SKAP2: variants seen among roughly 807,000 people sequenced by gnomAD.
SKAP2 encodes the protein src kinase associated phosphoprotein 2.
Under a neutral mutation model 54.9 loss-of-function variants are expected in SKAP2, and 28 were observed. The observed-to-expected ratio is 0.51, with a 90% confidence interval of 0.38 to 0.70. The LOEUF (loss-of-function observed/expected upper bound fraction) is 0.70, where lower values mean the gene tolerates loss of function less well. SKAP2 is among the 30% of genes least tolerant of loss of function. SKAP2 has a pLI of 0.00. For synonymous variants in SKAP2, 137 were observed against 134.3 expected, an observed-to-expected ratio of 1.02 and a Z score of -0.14; for missense variants, 356 against 424.1, an observed-to-expected ratio of 0.84 and a Z score of 1.41.
chr7:26,693,841 TAAAA>T, intron 9 of SKAP2, among the ~76,000 whole-genome samples: 1 of 152,212 alleles, frequency 6.6e-6, no homozygotes, highest in African/African-American at 2.4e-5. Context: ...AGCTTCCATA[TAAAA>T]GATAACAAAA....
At chr7:26,696,188 TTCTG>T (rs971558134) in intron 9 of SKAP2, among the ~76,000 whole-genome samples, 1 of 152,338 alleles carries the variant, frequency 6.6e-6, no homozygotes, top group Admixed American at 6.5e-5. Flanking sequence ...TAAAGGACTG[TTCTG>T]TCTATTCAAT....
intron 9 of SKAP2, among the ~76,000 whole-genome samples, chr7:26,719,439 G>A (rs908480955): frequency 3.9e-5 from 6 of 152,062 alleles, no homozygotes; most frequent in African/African-American, 1.4e-4. Flanking sequence ...AAAGCCACTC[G>A]TCAAATTCCA....
intron 4 of SKAP2, among the ~76,000 whole-genome samples, chr7:26,764,563 A>T (rs1783004159): frequency 6.6e-6 from 1 of 151,732 alleles, no homozygotes; most frequent in Non-Finnish European, 1.5e-5. Flanking sequence ...ACTTTTTTTC[A>T]TAATCTCTTC....
At chr7:26,861,232 G>A (rs1387525910) in intron 1 of SKAP2, among the ~76,000 whole-genome samples, 4 of 147,784 alleles carry the variant, frequency 2.7e-5, no homozygotes. Context: ...CCTGTCTAGA[G>A]AAAAAAAAAA....
chr7:26,725,574 C>T lies in SKAP2; in HGVS notation c.659-9G>A. 6.4e-7 allele frequency: 1 copy of T among 1,571,490 alleles called. No individual in the cohort carries two copies. The highest frequency in any genetic ancestry group is 1.2e-5 in the South Asian group (1 of 85,770). On this transcript the variant is annotated splice_polypyrimidine_tract_variant and intron_variant, in intron 8 of 12. Coordinates refer to ENST00000345317, the MANE Select transcript of SKAP2 (RefSeq NM_003930.5). ...AATATCAGATTCCATATCTATAAAA[C>T]ACATTTCATGAAGTAAATTTTAAAA...
chr7:26,737,935 A>C (rs1787977247), intron 6 of SKAP2, among the ~76,000 whole-genome samples: 1 of 152,208 alleles, frequency 6.6e-6, no homozygotes, highest in Admixed American at 6.5e-5. Context: ...GACTCTAACC[A>C]TATTCTCTAG....
rs1784062138 is a variant in SKAP2, at chr7:26,807,877, T to TC, written c.307+36152_307+36153insG. Among the ~76,000 whole-genome samples, 2 of 151,826 alleles carry TC rather than the reference T, an allele frequency of 1.3e-5. 1 individual carries two copies. The highest frequency in any genetic ancestry group is 4.2e-4 in the South Asian group (2 of 4,810). On this transcript the variant is annotated intron_variant, in intron 4 of 12. Coordinates refer to ENST00000345317, the MANE Select transcript of SKAP2 (RefSeq NM_003930.5). The stretch of plus-strand genomic sequence containing the variant: ...GAAGGGTAAGATGATTGTTAGCACT[T>TC]TTTTTAGCAATAAAGTATTTTTAAA...
In SKAP2 at chr7:26,786,622, A is replaced by G. The variant is rs572721999; in HGVS notation, c.308-46658T>C. ...AGGCAGTGGCGAGCCTGGCACTTTC[A>G]ACGGGTGCCTGTGTGCATGTGCTCC... On this transcript the variant is annotated intron_variant, in intron 4 of 12. Coordinates refer to ENST00000345317, the MANE Select transcript of SKAP2 (RefSeq NM_003930.5). Among the ~76,000 whole-genome samples, 264 of 152,314 alleles carry G rather than the reference A, an allele frequency of 1.7e-3. 1 individual carries two copies. Among genetic ancestry groups the G allele is most frequent in the South Asian group, 6.8e-3 (33 of 4,818 alleles).
intron 9 of SKAP2, among the ~76,000 whole-genome samples, chr7:26,694,836 AT>A (rs1786862600): frequency 6.6e-6 from 1 of 152,194 alleles, no homozygotes; most frequent in African/African-American, 2.4e-5. Context: ...TTTTTAATCT[AT>A]TTAATTTACA....
At chr7:26,789,663 A>T (rs915092677) in intron 4 of SKAP2, among the ~76,000 whole-genome samples, 2 of 152,198 alleles carry the variant, frequency 1.3e-5, no homozygotes, top group Non-Finnish European at 2.9e-5. Context: ...CCAAATATCA[A>T]GCCTTAACCA....
At chr7:26,672,259 C>T (rs1402383389) in intron 11 of SKAP2, among the ~76,000 whole-genome samples, 1 of 151,986 alleles carries the variant, frequency 6.6e-6, no homozygotes. Flanking sequence ...CAACTAAAGG[C>T]ATGTTATCAT....
chr7:26,658,837 C>CA, the SKAP2 span, among the ~76,000 whole-genome samples: 127 of 147,716 alleles, frequency 8.6e-4, no homozygotes, highest in African/African-American at 2.9e-3. Flanking sequence ...CCCACCCCCC[C>CA]ACCAACTCCA....
At chr7:26,734,641 G>A (rs139514685) in intron 6 of SKAP2, among the ~76,000 whole-genome samples, 34 of 152,260 alleles carry the variant, frequency 2.2e-4, no homozygotes, top group African/African-American at 7.7e-4. Flanking sequence ...GCACCAGCAG[G>A]GTCAGTGCCT....
At chr7:26,676,735 G>A (rs1786357606) in intron 11 of SKAP2, among the ~76,000 whole-genome samples, 1 of 152,124 alleles carries the variant, frequency 6.6e-6, no homozygotes, top group Admixed American at 6.5e-5. Flanking sequence ...TCAAAGTTTA[G>A]ACAGAAAGCC....
chr7:26,861,573 T>G (rs530776779), intron 1 of SKAP2, among the ~76,000 whole-genome samples: 2 of 150,788 alleles, frequency 1.3e-5, no homozygotes, highest in Non-Finnish European at 3.0e-5. Context: ...ACTTTTTCAA[T>G]GGTATCTTTA....
intron 11 of SKAP2, 113 bp downstream of exon 11, chr7:26,684,623 G>A (rs1211680296): frequency 8.0e-6 from 5 of 623,430 alleles, no homozygotes; most frequent in South Asian, 2.0e-5. Flanking sequence ...TTGTTAACAA[G>A]GACCTAGAAG....
At chr7:26,817,648 T>A (rs1784298043) in intron 4 of SKAP2, among the ~76,000 whole-genome samples, 2 of 152,160 alleles carry the variant, frequency 1.3e-5, no homozygotes, top group Admixed American at 1.3e-4. Context: ...AAAAATCAAA[T>A]TGTCTCTGTT....
At chr7:26,806,652 C>T (rs1784030069) in intron 4 of SKAP2, among the ~76,000 whole-genome samples, 2 of 152,154 alleles carry the variant, frequency 1.3e-5, no homozygotes, top group African/African-American at 4.8e-5. Context: ...AAGGTAAATA[C>T]AAGTGCTGCT....
intron 4 of SKAP2, among the ~76,000 whole-genome samples, chr7:26,768,552 C>T (rs558250577): frequency 3.9e-5 from 6 of 152,192 alleles, no homozygotes; most frequent in Admixed American, 6.5e-5. Context: ...TTCATAGTGT[C>T]GATGGTCTTT....
Sources: gnomAD v4.1 joint callset for allele counts (sites outside exome capture counted in the v4.1 genomes callset) on GRCh38, gnomAD v4.1.1 for gene constraint, MANE v1.5 for transcripts, NCBI Gene and HGNC (gene_info 2026-07-23, HGNC 2026-07-21) for gene names.